Variants in GNAQ observed in about 807,000 individuals in gnomAD.
The protein encoded by GNAQ is guanine nucleotide-binding protein G(q) subunit alpha.
Under a neutral mutation model 43.9 loss-of-function variants are expected in GNAQ, and 8 were observed. That is an observed-to-expected ratio of 0.18 (90% CI 0.11 to 0.33). The LOEUF (loss-of-function observed/expected upper bound fraction) is 0.33, where lower values mean the gene tolerates loss of function less well. Among genes scored for constraint, GNAQ ranks in the 10% least tolerant of loss-of-function variants. The probability of loss-of-function intolerance (pLI) is 1.00; values close to 1 mark genes in which losing one functional copy is unlikely to be tolerated. For synonymous variants in GNAQ, 155 were observed against 170.7 expected (o/e 0.91, Z 0.71); for missense variants, 158 against 450.8 (o/e 0.35, Z 5.88).
chr9:77,925,313 C>A (rs959440372), intron 1 of GNAQ, among the ~76,000 whole-genome samples: 1 of 152,112 alleles, frequency 6.6e-6, no homozygotes. Flanking sequence ...CTCTATAAAT[C>A]TTTTATTTAT....
intron 2 of GNAQ, among the ~76,000 whole-genome samples, chr9:77,822,722 T>C (rs867381906): frequency 4.0e-5 from 6 of 151,582 alleles, no homozygotes; most frequent in Admixed American, 1.3e-4. Flanking sequence ...ATCTGACCAC[T>C]GAAGCTTCAG....
chr9:78,025,791 T>G lies in GNAQ; in HGVS notation c.136+5309A>C, dbSNP rs555713292. Among the ~76,000 whole-genome samples the G allele has an allele frequency of 2.1e-3, 324 of 152,290 alleles. 1 individual carries two copies. The highest frequency in any genetic ancestry group is 2.1e-3 in the Non-Finnish European group (143 of 68,008). The stretch of plus-strand genomic sequence containing the variant: ...TAATATTAACAGAATATTAGTAGAA[T>G]AACTCCCCTTAAAGAAAAATTAATA... On this transcript the variant is annotated intron_variant, in intron 1 of 6. Transcript: ENST00000286548.
At chr9:77,931,635 T>C (rs945843589) in intron 1 of GNAQ, among the ~76,000 whole-genome samples, 1 of 152,060 alleles carries the variant, frequency 6.6e-6, no homozygotes, top group Non-Finnish European at 1.5e-5. Context: ...AGTGAAAATA[T>C]TCCAGGAAGT....
chr9:77,872,421 T>G (rs1828052222), intron 2 of GNAQ, among the ~76,000 whole-genome samples: 1 of 152,198 alleles, frequency 6.6e-6, no homozygotes, highest in Non-Finnish European at 1.5e-5. Context: ...GAAGCCAAGG[T>G]TTAGCTTCAG....
At chr9:77,991,936 T>C (rs956772217) in intron 1 of GNAQ, among the ~76,000 whole-genome samples, 2 of 152,254 alleles carry the variant, frequency 1.3e-5, no homozygotes, top group Non-Finnish European at 2.9e-5. Context: ...CCATGGTGTA[T>C]ATATGCCACA....
In GNAQ at chr9:77,981,820, T is replaced by C. The variant is rs193066379; in HGVS notation, c.136+49280A>G. Among the ~76,000 whole-genome samples, 456 of 152,324 alleles carry C rather than the reference T, an allele frequency of 3.0e-3. 2 individuals are homozygous for C. The highest frequency in any genetic ancestry group is 4.6e-3 in the Non-Finnish European group (315 of 68,016). ...TATAGAATAAAAACTAGAAAGCTTTTGCATTTTCACTCTGCTGCTCAATTT... is the reference window on the plus strand; with the variant it reads ...TATAGAATAAAAACTAGAAAGCTTTCGCATTTTCACTCTGCTGCTCAATTT... On this transcript the variant is annotated intron_variant, in intron 1 of 6. Coordinates refer to ENST00000286548, the MANE Select transcript of GNAQ (RefSeq NM_002072.5).
intron 1 of GNAQ, among the ~76,000 whole-genome samples, chr9:77,965,999 G>A (rs1331943823): frequency 6.6e-6 from 1 of 152,028 alleles, no homozygotes; most frequent in Non-Finnish European, 1.5e-5. Context: ...ATATGTCTCA[G>A]CAAAAAGGAG....
intron 1 of GNAQ, among the ~76,000 whole-genome samples, chr9:77,994,894 C>G (rs979132065): frequency 2.0e-5 from 3 of 152,172 alleles, no homozygotes; most frequent in African/African-American, 7.2e-5. Flanking sequence ...TTAAGTTTCT[C>G]CACTTTCTAG....
intron 1 of GNAQ, among the ~76,000 whole-genome samples, chr9:77,937,860 C>G (rs1414871643): frequency 6.6e-6 from 1 of 152,074 alleles, no homozygotes; most frequent in Non-Finnish European, 1.5e-5. Flanking sequence ...CCATTGCACT[C>G]CAGTCTGGGC....
intron 3 of GNAQ, among the ~76,000 whole-genome samples, chr9:77,810,437 C>T (rs914869585): frequency 3.3e-5 from 5 of 152,116 alleles, no homozygotes; most frequent in African/African-American, 1.2e-4. Context: ...GACGGGGATG[C>T]TAATAACTAT....
At chr9:77,789,555 C>T (rs937847621) in intron 5 of GNAQ, among the ~76,000 whole-genome samples, 42 of 152,132 alleles carry the variant, frequency 2.8e-4, no homozygotes, top group African/African-American at 9.2e-4. Context: ...ATGACAATCA[C>T]TGTTTACACC....
In GNAQ at chr9:77,718,227, A is replaced by C. The variant is rs184368862; in HGVS notation, c.*3096T>G. 4.2e-4 allele frequency: 97 copies of C among 232,870 alleles called. No individual in the cohort carries two copies. In the East Asian group the frequency reaches 5.1e-3, roughly 12 times the overall value. 14.4% of individuals were successfully genotyped at this position (232,870 alleles called of 1,614,324 possible). ...CCATTACCTAAGCATCAACAATAGG[A>C]GGCCAGTGGCACACGCTTATAACGC... On this transcript the variant is annotated 3_prime_UTR_variant, in exon 7 of 7. Transcript: ENST00000286548.
At chr9:77,774,516 T>C (rs183495584) in intron 5 of GNAQ, among the ~76,000 whole-genome samples, 2 of 152,202 alleles carry the variant, frequency 1.3e-5, no homozygotes, top group East Asian at 1.9e-4. Flanking sequence ...GGCTGGAGTG[T>C]AGTGGCACAA....
Position 77,756,566 on chromosome 9 carries a change from GAATGCTGGC to G in GNAQ, c.736-27908_736-27900del, listed in dbSNP as rs138866906. 5.1e-3 allele frequency among the ~76,000 whole-genome samples: 777 copies of G among 152,306 alleles called. 8 individuals are homozygous for G. Among genetic ancestry groups the G allele is most frequent in the African/African-American group, 0.018 (742 of 41,566 alleles). ...AGCAAAGTGATAACCATGGCCTAGGGAATGCTGGCACAATGACTTGAGAGAACCTGGGTT... is the reference window on the plus strand; with the variant it reads ...AGCAAAGTGATAACCATGGCCTAGGGACAATGACTTGAGAGAACCTGGGTT... On this transcript the variant is annotated intron_variant, in intron 5 of 6. Coordinates refer to ENST00000286548, the MANE Select transcript of GNAQ (RefSeq NM_002072.5).
At chr9:77,990,988 T>C (rs1823500392) in intron 1 of GNAQ, among the ~76,000 whole-genome samples, 1 of 152,190 alleles carries the variant, frequency 6.6e-6, no homozygotes, top group Admixed American at 6.5e-5. Flanking sequence ...TCCCTCAAAA[T>C]GTATTTAATA....
intron 2 of GNAQ, among the ~76,000 whole-genome samples, chr9:77,861,594 C>CA (rs959256584): frequency 2.0e-5 from 3 of 151,970 alleles, no homozygotes; most frequent in Admixed American, 1.3e-4. Context: ...AGAAATTGGC[C>CA]AAAACAAAGG....
intron 2 of GNAQ, among the ~76,000 whole-genome samples, chr9:77,847,028 C>A (rs1827597716): frequency 6.6e-6 from 1 of 152,142 alleles, no homozygotes; most frequent in African/African-American, 2.4e-5. Flanking sequence ...ACTTCCTGAA[C>A]TGTGGTCGCT....
intron 3 of GNAQ, among the ~76,000 whole-genome samples, chr9:77,798,911 T>C (rs1429068388): frequency 6.6e-6 from 1 of 152,180 alleles, no homozygotes; most frequent in African/African-American, 2.4e-5. Flanking sequence ...ATTTTATATG[T>C]AGAGATTTGT....
At chr9:77,837,051 T>C (rs1214359868) in intron 2 of GNAQ, among the ~76,000 whole-genome samples, 1 of 152,186 alleles carries the variant, frequency 6.6e-6, no homozygotes, top group East Asian at 1.9e-4. Context: ...CCTGTGAGAA[T>C]AAATGGACAT....
Sources: allele counts gnomAD v4.1 joint callset (sites outside exome capture counted in the v4.1 genomes callset), GRCh38; gene constraint gnomAD v4.1.1; transcripts MANE v1.5; gene names NCBI Gene and HGNC (gene_info 2026-07-23, HGNC 2026-07-21).